ARSG: variants seen among roughly 807,000 people sequenced by gnomAD.
ARSG encodes the protein ASG.
In ARSG, 37 loss-of-function variants were observed where a neutral mutation model predicts 50.5. The observed-to-expected ratio is 0.73, with a 90% CI of 0.56 to 0.96. The LOEUF (loss-of-function observed/expected upper bound fraction) is 0.96. Among genes scored for constraint, ARSG ranks in the 50% least tolerant of loss-of-function variants. ARSG has a pLI of 0.00. For missense variants in ARSG, 629 were observed against 675.3 expected (o/e 0.93, Z 0.76); for synonymous variants, 225 against 254.6 (o/e 0.88, Z 1.11).
At chr17:68,305,951 C>T (rs185403327) in intron 1 of ARSG, among the ~76,000 whole-genome samples, 110 of 152,114 alleles carry the variant, frequency 7.2e-4, no homozygotes, top group African/African-American at 2.6e-3. Flanking sequence ...TTGGTGGGCA[C>T]CTGTAATCCC....
chr17:68,385,424 G>A (rs934411988), intron 9 of ARSG, among the ~76,000 whole-genome samples: 3 of 151,682 alleles, frequency 2.0e-5, no homozygotes. Context: ...AGCACTTTGG[G>A]AGGCTGAGGC....
chr17:68,418,486 C>T (rs999075080), intron 11 of ARSG, among the ~76,000 whole-genome samples: 26 of 152,136 alleles, frequency 1.7e-4, no homozygotes, highest in Admixed American at 3.3e-4. Context: ...GACTCTCAGC[C>T]ACAGGTGGAA....
At chr17:68,346,789 G>A in intron 3 of ARSG, 2 of 1,315,118 alleles carry the variant, frequency 1.5e-6, no homozygotes, top group Non-Finnish European at 2.0e-6. Flanking sequence ...CAGCGCGGGA[G>A]GGCAAAGTGA....
At chr17:68,433,537 G>A in the ARSG span, 1 of 1,613,968 alleles carries the variant, frequency 6.2e-7, no homozygotes, top group Non-Finnish European at 8.5e-7. Flanking sequence ...GAGGAATTGT[G>A]AATCCATACT....
At chr17:68,351,546 G>A (rs753765962) in intron 4 of ARSG, 29 bp from the exon 5 acceptor site, 1 of 1,316,348 alleles carries the variant, frequency 7.6e-7, no homozygotes, top group Admixed American at 1.7e-5. Context: ...CAGCCACGTG[G>A]GGGTGCTAAC....
At position 68,359,265 on chromosome 17, in the gene ARSG, C is replaced by T. The variant is rs73357935; in HGVS notation, c.704+2461C>T. ...CAGTCTATCTCTAATAAATCATATA[C>T]GTGTGAGGTGTCAGGGCAAAGAATG... On this transcript the variant is annotated intron_variant, in intron 6 of 11. Transcript: ENST00000621439. Among the ~76,000 whole-genome samples, 812 of 152,198 alleles carry T rather than the reference C, an allele frequency of 5.3e-3. 9 individuals are homozygous for T. Among genetic ancestry groups the T allele is most frequent in the African/African-American group, 0.018 (754 of 41,512 alleles).
the ARSG span, among the ~76,000 whole-genome samples, chr17:68,432,492 T>C: frequency 3.3e-5 from 5 of 152,334 alleles, no homozygotes; most frequent in East Asian, 1.9e-4. Flanking sequence ...TGTTTGCCTA[T>C]AGTCCCAGCA....
At chr17:68,428,178 G>C in the ARSG span, 1 of 151,546 alleles carries the variant, frequency 6.6e-6, no homozygotes, top group Non-Finnish European at 1.5e-5. Flanking sequence ...GATTACAGGC[G>C]TGAGTCAACA....
chr17:68,278,355 G>T (rs2075591147), intron 1 of ARSG: 2 of 1,458,496 alleles, frequency 1.4e-6, no homozygotes, highest in Non-Finnish European at 1.9e-6. Context: ...AAGCAATTCA[G>T]ATCAGCAATA....
At chr17:68,312,762 C>T (rs1455650210) in intron 2 of ARSG, among the ~76,000 whole-genome samples, 5 of 152,270 alleles carry the variant, frequency 3.3e-5, no homozygotes, top group Non-Finnish European at 5.9e-5. Flanking sequence ...ACTGATTCAT[C>T]GCTGGTTTCT....
intron 11 of ARSG, among the ~76,000 whole-genome samples, chr17:68,404,344 A>G (rs909954193): frequency 1.7e-4 from 26 of 152,326 alleles, no homozygotes; most frequent in Non-Finnish European, 3.2e-4. Context: ...AAGTGTTCCT[A>G]TTTGTCCAGT....
chr17:68,346,762 G>A (rs2078522469), intron 3 of ARSG: 3 of 1,297,352 alleles, frequency 2.3e-6, no homozygotes, highest in Non-Finnish European at 2.0e-6. Context: ...GGGCCTCCTG[G>A]TGCCTTTGCA....
At chr17:68,379,914 G>C (rs539694065) in intron 8 of ARSG, 71 of 961,810 alleles carry the variant, frequency 7.4e-5, no homozygotes, top group Non-Finnish European at 8.5e-5. Context: ...TATGTACACT[G>C]TCTTATATAA....
intron 2 of ARSG, among the ~76,000 whole-genome samples, chr17:68,331,249 C>CTTTCTTTT (rs1568477930): frequency 1.9e-5 from 2 of 106,836 alleles, no homozygotes; most frequent in African/African-American, 4.0e-5. Context: ...TTCTTTCTTT[C>CTTTCTTTT]TTTCTTTCTT....
chr17:68,268,873 T>G, intron 1 of ARSG: 1 of 796,882 alleles, frequency 1.3e-6, no homozygotes, highest in Non-Finnish European at 1.9e-6. Context: ...AGTGCTTGGT[T>G]GTTTTTTGTT....
chr17:68,391,436 C>T (rs546806413), intron 9 of ARSG, among the ~76,000 whole-genome samples: 1 of 152,274 alleles, frequency 6.6e-6, no homozygotes, highest in East Asian at 1.9e-4. Context: ...CTCTGAAGTT[C>T]TTGCCAAAGT....
intron 11 of ARSG, among the ~76,000 whole-genome samples, chr17:68,417,772 G>A (rs1481831102): frequency 1.2e-5 from 1 of 85,156 alleles, no homozygotes; most frequent in Non-Finnish European, 2.1e-5. Flanking sequence ...TTTTGAGATG[G>A]AGTCTCACAT....
Position 68,378,252 on chromosome 17 carries a change from A to G in ARSG, c.983-6812A>G, listed in dbSNP as rs1329373968. 1.3e-5 allele frequency among the ~76,000 whole-genome samples: 2 copies of G among 152,204 alleles called. No homozygotes were observed. Among genetic ancestry groups the G allele is most frequent in the African/African-American group, 2.4e-5 (1 of 41,450 alleles). Reference sequence around the variant, plus strand: ...GCAGATGAAAGAGAGAAGGCGGTCAATGTTTTCGCAACGGAGTAGGACAAA... The same window carrying G: ...GCAGATGAAAGAGAGAAGGCGGTCAGTGTTTTCGCAACGGAGTAGGACAAA... On this transcript the variant is annotated intron_variant, in intron 8 of 11. Transcript: ENST00000621439. This position sits in a 1 kb window ranked among gnomAD's most constrained non-coding sequence, Gnocchi z 4.4.
chr17:68,283,261 C>T (rs140720333), intron 1 of ARSG: 6,503 of 152,472 alleles, frequency 0.043, 203 homozygotes, highest in Middle Eastern at 0.074. Flanking sequence ...TGGCTCACGC[C>T]TGTAATCCTA....
Sources: allele counts gnomAD v4.1 joint callset (sites outside exome capture counted in the v4.1 genomes callset), GRCh38; gene constraint gnomAD v4.1.1; non-coding constraint Gnocchi (gnomAD v3.1); transcripts MANE v1.5; gene names NCBI Gene and HGNC (gene_info 2026-07-23, HGNC 2026-07-21).